NRG1: variants seen among roughly 807,000 people sequenced by gnomAD.
NRG1 encodes the protein pro-neuregulin-1, membrane-bound isoform.
NRG1 carries 18 observed loss-of-function variants against 63.8 expected under a neutral mutation model. The observed-to-expected ratio is 0.28, with a 90% confidence interval of 0.19 to 0.42. The LOEUF (loss-of-function observed/expected upper bound fraction) is 0.42, where lower values mean the gene tolerates loss of function less well. Ranked by LOEUF, NRG1 falls within the 10% of genes least tolerant of loss-of-function variation. NRG1 has a pLI of 1.00. For missense variants in NRG1, 762 were observed against 814.7 expected (o/e 0.94, Z 0.79); for synonymous variants, 302 against 301.3 (o/e 1.00, Z -0.02).
chr8:31,728,503 T>C (rs1325782807), intron 1 of NRG1, among the ~76,000 whole-genome samples: 1 of 152,206 alleles, frequency 6.6e-6, no homozygotes. Flanking sequence ...TTTTAAACTT[T>C]TGGCTCAAAT....
intron 1 of NRG1, among the ~76,000 whole-genome samples, chr8:32,448,118 G>A (rs1357986735): frequency 6.6e-6 from 1 of 152,110 alleles, no homozygotes; most frequent in Non-Finnish European, 1.5e-5. Context: ...ATTTTAACAT[G>A]AACAAAATAT....
chr8:32,044,147 G>A (rs1820547600), intron 1 of NRG1, among the ~76,000 whole-genome samples: 1 of 151,778 alleles, frequency 6.6e-6, no homozygotes, highest in Admixed American at 6.6e-5. Context: ...ACAATACTCA[G>A]GTTGCTATAT....
intron 1 of NRG1, among the ~76,000 whole-genome samples, chr8:31,873,048 T>C (rs1448255339): frequency 1.3e-5 from 2 of 152,174 alleles, no homozygotes; most frequent in Non-Finnish European, 2.9e-5. Context: ...AGAAAACTCA[T>C]GTTTCACATA....
chr8:32,410,484 A>G (rs1814755760), intron 1 of NRG1, among the ~76,000 whole-genome samples: 1 of 152,032 alleles, frequency 6.6e-6, no homozygotes, highest in Non-Finnish European at 1.5e-5. Context: ...TCTTCTCAAA[A>G]ATCTTTCTTC....
intron 1 of NRG1, among the ~76,000 whole-genome samples, chr8:32,373,785 T>C: frequency 6.6e-6 from 1 of 151,860 alleles, no homozygotes; most frequent in Non-Finnish European, 1.5e-5. Context: ...CTCAAAAAAA[T>C]TAAATAAATC....
chr8:32,494,572 A>T (rs907751763), intron 1 of NRG1, among the ~76,000 whole-genome samples: 1 of 152,228 alleles, frequency 6.6e-6, no homozygotes, highest in Non-Finnish European at 1.5e-5. Flanking sequence ...GCAATCAGCC[A>T]TGATAAGAAG....
intron 1 of NRG1, among the ~76,000 whole-genome samples, chr8:31,828,345 G>A (rs1045947580): frequency 2.0e-5 from 3 of 152,176 alleles, no homozygotes; most frequent in Admixed American, 6.5e-5. Flanking sequence ...AGTTCCTGCT[G>A]TTTGATGAGA....
At chr8:31,792,696 T>TA (rs1820832379) in intron 1 of NRG1, among the ~76,000 whole-genome samples, 2 of 152,252 alleles carry the variant, frequency 1.3e-5, no homozygotes, top group Admixed American at 1.3e-4. Context: ...TCTCTGGACT[T>TA]ACGTCTTGGC....
At chr8:32,008,630 C>G (rs1008782768) in intron 1 of NRG1, among the ~76,000 whole-genome samples, 2 of 151,922 alleles carry the variant, frequency 1.3e-5, no homozygotes, top group Non-Finnish European at 2.9e-5. Context: ...TTCGGTGACT[C>G]GTAATACAGA....
intron 5 of NRG1, among the ~76,000 whole-genome samples, chr8:32,625,906 G>T (rs1849174071): frequency 6.7e-6 from 1 of 149,582 alleles, no homozygotes; most frequent in Non-Finnish European, 1.5e-5. Flanking sequence ...CGATTCTTTT[G>T]CCTCAGCTTC....
intron 1 of NRG1, among the ~76,000 whole-genome samples, chr8:32,086,949 A>G (rs1828309281): frequency 6.6e-6 from 1 of 152,182 alleles, no homozygotes; most frequent in South Asian, 2.1e-4. Flanking sequence ...TCAATATAGC[A>G]TTGTTAACTC....
chr8:32,587,564 C>T (rs765802101), intron 1 of NRG1, among the ~76,000 whole-genome samples: 1 of 152,106 alleles, frequency 6.6e-6, no homozygotes, highest in Non-Finnish European at 1.5e-5. Flanking sequence ...CCTCACGATT[C>T]CAAATAATAA....
chr8:32,413,905 T>C (rs1457339518), intron 1 of NRG1, among the ~76,000 whole-genome samples: 1 of 151,728 alleles, frequency 6.6e-6, no homozygotes, highest in Admixed American at 6.6e-5. Flanking sequence ...CAGGACTCTG[T>C]TGGAAGAGTT....
intron 1 of NRG1, among the ~76,000 whole-genome samples, chr8:32,490,194 A>G (rs1483961165): frequency 6.6e-6 from 1 of 152,130 alleles, no homozygotes; most frequent in Non-Finnish European, 1.5e-5. Flanking sequence ...AGTTCTAGCT[A>G]CAGGGGAGTC....
intron 1 of NRG1, among the ~76,000 whole-genome samples, chr8:32,195,109 C>A (rs1000553921): frequency 2.6e-5 from 4 of 151,890 alleles, no homozygotes; most frequent in African/African-American, 9.7e-5. Flanking sequence ...CTTTGGGTAA[C>A]CTTTTAGGAT....
chr8:32,537,765 C>T (rs1300461565), intron 1 of NRG1, among the ~76,000 whole-genome samples: 1 of 152,184 alleles, frequency 6.6e-6, no homozygotes, highest in African/African-American at 2.4e-5. Flanking sequence ...AGCAGAGATG[C>T]AGCAGAGTCA....
At chr8:32,299,528 T>C (rs1023502819) in intron 1 of NRG1, among the ~76,000 whole-genome samples, 1 of 152,126 alleles carries the variant, frequency 6.6e-6, no homozygotes, top group Admixed American at 6.6e-5. Flanking sequence ...TGCAGAGACA[T>C]GTGAAGAAGG....
chr8:32,312,163 T>TTG (rs1856887349), intron 1 of NRG1, among the ~76,000 whole-genome samples: 1 of 129,538 alleles, frequency 7.7e-6, no homozygotes, highest in African/African-American at 2.9e-5. Flanking sequence ...GTTTGTTTTT[T>TTG]TTTTTTTTTT....
intron 1 of NRG1, among the ~76,000 whole-genome samples, chr8:31,767,372 T>A (rs1818175202): frequency 6.6e-6 from 1 of 152,222 alleles, no homozygotes; most frequent in Non-Finnish European, 1.5e-5. Context: ...CCTATGCTCC[T>A]TTAACAATGG....
Sources: gnomAD v4.1 joint callset for allele counts (sites outside exome capture counted in the v4.1 genomes callset) on GRCh38, gnomAD v4.1.1 for gene constraint, MANE v1.5 for transcripts, NCBI Gene and HGNC (gene_info 2026-07-23, HGNC 2026-07-21) for gene names.